The following STXBP5L variants were observed in gnomAD, a reference collection of about 807,000 sequenced individuals.
STXBP5L encodes syntaxin-binding protein 5-like.
STXBP5L carries 65 observed loss-of-function variants against 144.5 expected under a neutral mutation model. That is an observed-to-expected ratio of 0.45 (90% CI 0.37 to 0.55). The LOEUF is 0.55. STXBP5L is among the 20% of genes least tolerant of loss of function. The pLI is 0.00. For synonymous variants in STXBP5L, 505 were observed against 469.6 expected (o/e 1.08, Z -0.97); for missense variants, 1,298 against 1,405.5 (o/e 0.92, Z 1.22).
At chr3:121,006,267 T>C (rs963251665) in intron 3 of STXBP5L, among the ~76,000 whole-genome samples, 2 of 152,232 alleles carry the variant, frequency 1.3e-5, no homozygotes, top group Non-Finnish European at 2.9e-5. Context: ...TTAGGATAGT[T>C]AGCTCTTCTT....
At chr3:121,007,608 A>T (rs545574222) in intron 3 of STXBP5L, among the ~76,000 whole-genome samples, 1 of 152,190 alleles carries the variant, frequency 6.6e-6, no homozygotes, top group Admixed American at 6.6e-5. Flanking sequence ...CAACTCTGTT[A>T]AATCATTACT....
chr3:121,311,103 T>C (rs888694748), intron 19 of STXBP5L, among the ~76,000 whole-genome samples: 2 of 152,164 alleles, frequency 1.3e-5, no homozygotes, highest in Non-Finnish European at 2.9e-5. Context: ...AGATATATGA[T>C]TAGCCAATAA....
chr3:121,015,693 G>A (rs1382651709), intron 3 of STXBP5L, among the ~76,000 whole-genome samples: 1 of 152,098 alleles, frequency 6.6e-6, no homozygotes, highest in African/African-American at 2.4e-5. Context: ...AATAAGCATT[G>A]TAAAATATAC....
At position 121,089,090 on chromosome 3, in the gene STXBP5L, A is replaced by G. The variant is rs976612729; in HGVS notation, c.471-25835A>G. On this transcript the variant is annotated intron_variant, in intron 5 of 26. Transcript: ENST00000471454. ...ACATGTACCCTAAAACTTAGAGTAT[A>G]ATAAAAAAAAAAAAAAAAAAAAAAA... 6.9e-4 allele frequency among the ~76,000 whole-genome samples: 43 copies of G among 62,368 alleles called. 1 individual carries two copies. The East Asian group carries it at 0.016, about 24-fold the overall frequency. 40.9% of individuals were successfully genotyped at this position (62,368 alleles called of 152,430 possible).
At chr3:121,028,633 A>AT (rs766731670) in intron 3 of STXBP5L, among the ~76,000 whole-genome samples, 25 of 152,064 alleles carry the variant, frequency 1.6e-4, no homozygotes, top group Non-Finnish European at 3.4e-4. Flanking sequence ...TAAGATTATC[A>AT]TTTTCTTTGG....
intron 23 of STXBP5L, 69 bp from the exon 24 acceptor site, chr3:121,413,089 C>A: frequency 8.7e-7 from 1 of 1,148,194 alleles, no homozygotes; most frequent in South Asian, 2.4e-5. Flanking sequence ...ATAAAAATTA[C>A]TGTTTTTATG....
intron 3 of STXBP5L, among the ~76,000 whole-genome samples, chr3:121,012,786 C>G (rs1944878054): frequency 6.6e-6 from 1 of 151,674 alleles, no homozygotes; most frequent in Non-Finnish European, 1.5e-5. Flanking sequence ...ATCCCATCAC[C>G]CAAGTAGGAA....
At chr3:121,208,031 C>T (rs1330448964) in intron 10 of STXBP5L, among the ~76,000 whole-genome samples, 2 of 152,052 alleles carry the variant, frequency 1.3e-5, no homozygotes, top group African/African-American at 2.4e-5. Context: ...GACACATGCA[C>T]ATGTATGTTT....
At chr3:121,096,242 C>T (rs1576941732) in intron 5 of STXBP5L, among the ~76,000 whole-genome samples, 1 of 152,166 alleles carries the variant, frequency 6.6e-6, no homozygotes, top group Admixed American at 6.5e-5. Flanking sequence ...TATCTTGGAA[C>T]CACCTCCTCC....
chr3:121,198,062 A>G (rs2047992190), intron 9 of STXBP5L, among the ~76,000 whole-genome samples: 1 of 152,220 alleles, frequency 6.6e-6, no homozygotes, highest in Non-Finnish European at 1.5e-5. Context: ...ATCCTTGAGG[A>G]ACCAAAACAC....
At chr3:121,210,567 T>G (rs2048521976) in intron 10 of STXBP5L, among the ~76,000 whole-genome samples, 3 of 152,250 alleles carry the variant, frequency 2.0e-5, no homozygotes, top group Admixed American at 2.0e-4. Flanking sequence ...GTTTTAGGTC[T>G]AACATTTAAG....
At chr3:121,281,780 T>C (rs2051067543) in intron 19 of STXBP5L, among the ~76,000 whole-genome samples, 1 of 151,976 alleles carries the variant, frequency 6.6e-6, no homozygotes, top group Admixed American at 6.6e-5. Context: ...GTGTTTAGTG[T>C]ACAAGATGAC....
intron 3 of STXBP5L, among the ~76,000 whole-genome samples, chr3:121,005,685 G>T (rs1466898651): frequency 6.6e-6 from 1 of 151,930 alleles, no homozygotes; most frequent in Admixed American, 6.6e-5. Flanking sequence ...TCTTGTGGGC[G>T]TTTAGTGCTA....
chr3:120,912,936 C>T (rs186916361), intron 2 of STXBP5L, among the ~76,000 whole-genome samples: 3 of 151,942 alleles, frequency 2.0e-5, no homozygotes, highest in African/African-American at 2.4e-5. Flanking sequence ...CTCATTCTTT[C>T]GTTTCTGACT....
At chr3:121,066,703 G>A (rs937621255) in intron 5 of STXBP5L, among the ~76,000 whole-genome samples, 4 of 152,072 alleles carry the variant, frequency 2.6e-5, no homozygotes, top group Non-Finnish European at 5.9e-5. Context: ...CCCCTGTCAA[G>A]TTCTCACTTC....
At chr3:120,981,025 T>C (rs1941716030) in intron 3 of STXBP5L, among the ~76,000 whole-genome samples, 1 of 151,998 alleles carries the variant, frequency 6.6e-6, no homozygotes, top group Admixed American at 6.6e-5. Context: ...AGACTGAAAA[T>C]AGGAACCCAG....
chr3:120,926,726 A>G (rs899507530), intron 2 of STXBP5L, among the ~76,000 whole-genome samples: 1 of 151,922 alleles, frequency 6.6e-6, no homozygotes, highest in Admixed American at 6.6e-5. Flanking sequence ...AGCAATCTTC[A>G]TTCTATTCCA....
intron 5 of STXBP5L, among the ~76,000 whole-genome samples, chr3:121,075,360 C>T (rs565761055): frequency 7.9e-5 from 12 of 152,220 alleles, no homozygotes; most frequent in South Asian, 4.1e-4. Flanking sequence ...ACCATGACCA[C>T]GTCCTCTCAC....
At chr3:121,006,090 C>G (rs1159735166) in intron 3 of STXBP5L, among the ~76,000 whole-genome samples, 1 of 152,234 alleles carries the variant, frequency 6.6e-6, no homozygotes, top group South Asian at 2.1e-4. Flanking sequence ...GAGCTGAGTT[C>G]AATTCCTGGG....
Sources: gnomAD v4.1 joint callset for allele counts (sites outside exome capture counted in the v4.1 genomes callset) on GRCh38, gnomAD v4.1.1 for gene constraint, MANE v1.5 for transcripts, NCBI Gene and HGNC (gene_info 2026-07-23, HGNC 2026-07-21) for gene names.